SGCD: variants seen among roughly 807,000 people sequenced by gnomAD.
SGCD encodes the protein delta-sarcoglycan.
SGCD carries 18 observed loss-of-function variants against 36.6 expected under a neutral mutation model. The ratio of observed to expected loss-of-function variants is 0.49; its 90% CI spans 0.34 to 0.73. SGCD has a LOEUF of 0.73. Ranked by LOEUF, SGCD falls within the 30% of genes least tolerant of loss-of-function variation. The probability of loss-of-function intolerance (pLI) is 0.01; values close to 1 mark genes in which losing one functional copy is unlikely to be tolerated. For synonymous variants in SGCD, 133 were observed against 130.6 expected (o/e 1.02, Z -0.12); for missense variants, 387 against 346.7 (o/e 1.12, Z -0.92).
chr5:156,316,866 C>T (rs1767530128), intron 3 of SGCD, among the ~76,000 whole-genome samples: 1 of 151,994 alleles, frequency 6.6e-6, no homozygotes, highest in South Asian at 2.1e-4. Flanking sequence ...AATGATTGTC[C>T]AACCCAGATG....
chr5:156,554,611 TATATGTATATAAACATGTGCATATA>T (rs1353979122), intron 4 of SGCD, among the ~76,000 whole-genome samples: 1 of 148,888 alleles, frequency 6.7e-6, no homozygotes, highest in Non-Finnish European at 1.5e-5. Context: ...GCATATAACA[TATATGTATATAAACATGTGCATATA>T]ATATATATTA....
chr5:156,411,672 A>G (rs1416711134), intron 3 of SGCD, among the ~76,000 whole-genome samples: 1 of 152,200 alleles, frequency 6.6e-6, no homozygotes, highest in Non-Finnish European at 1.5e-5. Flanking sequence ...ATGAAAAGAC[A>G]CTAGCATGGT....
At chr5:156,160,577 A>C (rs1446975562) in intron 3 of SGCD, among the ~76,000 whole-genome samples, 4 of 151,704 alleles carry the variant, frequency 2.6e-5, no homozygotes, top group Non-Finnish European at 5.9e-5. Flanking sequence ...GTTGAGTTAT[A>C]TTTCCTAAGA....
At chr5:156,495,076 G>A (rs1756123679) in intron 3 of SGCD, among the ~76,000 whole-genome samples, 2 of 152,126 alleles carry the variant, frequency 1.3e-5, no homozygotes, top group Admixed American at 6.6e-5. Flanking sequence ...GTCTCCACAG[G>A]TGCAGTGATT....
At chr5:155,998,039 G>A (rs890693675) in intron 1 of SGCD, among the ~76,000 whole-genome samples, 6 of 152,196 alleles carry the variant, frequency 3.9e-5, no homozygotes, top group Non-Finnish European at 5.9e-5. Context: ...GTGTGTGCAC[G>A]TGTCAGGGAC....
At chr5:156,630,950 A>G (rs1415423214) in intron 6 of SGCD, among the ~76,000 whole-genome samples, 1 of 152,224 alleles carries the variant, frequency 6.6e-6, no homozygotes, top group Non-Finnish European at 1.5e-5. Context: ...CTTTATAAGA[A>G]AACAAAAGGA....
chr5:155,796,268 G>T, the SGCD span, among the ~76,000 whole-genome samples: 38 of 152,084 alleles, frequency 2.5e-4, no homozygotes, highest in Non-Finnish European at 4.7e-4. Context: ...TGGTTACAAA[G>T]AATTGAGGTA....
At chr5:156,701,016 CTCATT>C (rs1379963192) in intron 7 of SGCD, among the ~76,000 whole-genome samples, 3 of 151,818 alleles carry the variant, frequency 2.0e-5, no homozygotes, top group African/African-American at 4.8e-5. Flanking sequence ...TTGCAATCAC[CTCATT>C]TATCTGTACA....
chr5:156,181,189 T>C (rs184000089), intron 3 of SGCD, among the ~76,000 whole-genome samples: 101 of 152,222 alleles, frequency 6.6e-4, no homozygotes, highest in Admixed American at 2.2e-3. Flanking sequence ...GCACCATATT[T>C]TGGAGAATTG....
intron 1 of SGCD, among the ~76,000 whole-genome samples, chr5:156,072,935 C>T (rs1383688916): frequency 6.6e-6 from 1 of 152,198 alleles, no homozygotes; most frequent in East Asian, 1.9e-4. Context: ...GCTCCTGAGG[C>T]TTCTGCATTC....
In SGCD at chr5:156,559,655, G is replaced by A. The variant is rs191968814; in HGVS notation, c.295-29576G>A. On this transcript the variant is annotated intron_variant, in intron 4 of 8. Coordinates refer to ENST00000337851, the MANE Select transcript of SGCD (RefSeq NM_000337.6). The stretch of plus-strand genomic sequence containing the variant: ...CTGTAAAATGGGAGTAATGAAGCCT[G>A]ACTCTCTAAGGATACCTTGAGAATT... Among the ~76,000 whole-genome samples the A allele has an allele frequency of 3.1e-3, 476 of 152,252 alleles. 4 individuals are homozygous for A. Among genetic ancestry groups the A allele is most frequent in the Non-Finnish European group, 6.2e-3 (425 of 68,014 alleles).
chr5:155,773,040 T>C, the SGCD span, among the ~76,000 whole-genome samples: 3 of 152,126 alleles, frequency 2.0e-5, no homozygotes, highest in African/African-American at 7.2e-5. Context: ...TATGCTGCTG[T>C]CTCCCATTTG....
chr5:156,140,286 G>A (rs1762547759), intron 3 of SGCD, among the ~76,000 whole-genome samples: 2 of 152,154 alleles, frequency 1.3e-5, no homozygotes, highest in Non-Finnish European at 2.9e-5. Flanking sequence ...TCTGGAAAAA[G>A]CCCGTATTGC....
chr5:155,807,348 A>G, the SGCD span, among the ~76,000 whole-genome samples: 1 of 152,250 alleles, frequency 6.6e-6, no homozygotes, highest in Non-Finnish European at 1.5e-5. Flanking sequence ...ACAATAAGTG[A>G]GGAAGCTCCT....
intron 1 of SGCD, among the ~76,000 whole-genome samples, chr5:155,949,076 CCTT>C (rs1418151917): frequency 6.6e-6 from 1 of 152,152 alleles, no homozygotes; most frequent in African/African-American, 2.4e-5. Context: ...ACAAAACACT[CCTT>C]CTTCTCTTCC....
intron 1 of SGCD, among the ~76,000 whole-genome samples, chr5:155,879,552 G>A (rs1755837142): frequency 1.3e-5 from 2 of 152,092 alleles, no homozygotes; most frequent in Admixed American, 6.6e-5. Flanking sequence ...ATTCTTTCTT[G>A]TAACAAGTAA....
chr5:156,713,454 G>A (rs1424434187), intron 7 of SGCD, among the ~76,000 whole-genome samples: 2 of 151,992 alleles, frequency 1.3e-5, no homozygotes, highest in African/African-American at 4.8e-5. Flanking sequence ...AGGCCTGGGA[G>A]TGAAGGGGTC....
chr5:156,307,552 G>GTTTTTTTTTTTATTTT, intron 3 of SGCD, among the ~76,000 whole-genome samples: 1 of 48,444 alleles, frequency 2.1e-5, no homozygotes, highest in African/African-American at 9.2e-5. Flanking sequence ...CATTTTAACT[G>GTTTTTTTTTTTATTTT]TTGTTTTTTT....
intron 3 of SGCD, among the ~76,000 whole-genome samples, chr5:156,425,019 G>A (rs538608796): frequency 7.9e-5 from 12 of 152,084 alleles, no homozygotes; most frequent in Admixed American, 2.0e-4. Context: ...CCCTATTGTC[G>A]AGGAATAGCT....
Sources: gnomAD v4.1 joint callset for allele counts (sites outside exome capture counted in the v4.1 genomes callset) on GRCh38, gnomAD v4.1.1 for gene constraint, MANE v1.5 for transcripts, NCBI Gene and HGNC (gene_info 2026-07-23, HGNC 2026-07-21) for gene names.